DLG2: variants seen among roughly 807,000 people sequenced by gnomAD.
The protein encoded by DLG2 is disks large homolog 2.
Under a neutral mutation model 132.5 loss-of-function variants are expected in DLG2, and 45 were observed. The observed-to-expected ratio is 0.34, with a 90% CI of 0.27 to 0.44. DLG2 has a LOEUF of 0.44. Ranked by LOEUF, DLG2 falls within the 20% of genes least tolerant of loss-of-function variation. The probability of loss-of-function intolerance (pLI) is 1.00; values close to 1 mark genes in which losing one functional copy is unlikely to be tolerated. For missense variants in DLG2, 1,045 were observed against 1,196.9 expected (o/e 0.87, Z 1.87); for synonymous variants, 424 against 419.6 (o/e 1.01, Z -0.13).
rs144299539 is a variant in DLG2, at chr11:85,420,287, C to T, written c.41-134922G>A. ...GTATGCAGAACAGCAAAGACTGCTG[C>T]CTGTTCCTTCCTCTGGAAGCTTCGT... On this transcript the variant is annotated intron_variant, in intron 3 of 27. Coordinates refer to ENST00000376104, the MANE Select transcript of DLG2 (RefSeq NM_001142699.3). 6.7e-3 allele frequency among the ~76,000 whole-genome samples: 1,013 copies of T among 152,250 alleles called. 5 individuals are homozygous for T. The highest frequency in any genetic ancestry group is 0.01 in the Non-Finnish European group (698 of 68,012).
At chr11:84,476,011 G>T (rs1162263205) in intron 7 of DLG2, among the ~76,000 whole-genome samples, 1 of 152,066 alleles carries the variant, frequency 6.6e-6, no homozygotes, top group Admixed American at 6.6e-5. Context: ...TGTAACAACT[G>T]CTGATTACAT....
intron 6 of DLG2, among the ~76,000 whole-genome samples, chr11:84,660,335 G>A (rs1348048396): frequency 6.6e-6 from 1 of 152,080 alleles, no homozygotes; most frequent in Non-Finnish European, 1.5e-5. Context: ...TTAACTCCCA[G>A]GATCCTGGAT....
At chr11:85,514,937 A>G (rs1201403981) in intron 3 of DLG2, among the ~76,000 whole-genome samples, 1 of 151,964 alleles carries the variant, frequency 6.6e-6, no homozygotes, top group Non-Finnish European at 1.5e-5. Flanking sequence ...TTCGTTGTAC[A>G]TCTATCATCT....
At chr11:85,500,458 G>T (rs1338995809) in intron 3 of DLG2, among the ~76,000 whole-genome samples, 1 of 147,084 alleles carries the variant, frequency 6.8e-6, no homozygotes, top group African/African-American at 2.7e-5. Context: ...ACATTAGTGG[G>T]TGCAGCGCAC....
intron 7 of DLG2, among the ~76,000 whole-genome samples, chr11:84,273,913 G>A (rs1189296521): frequency 1.3e-5 from 2 of 152,080 alleles, no homozygotes; most frequent in Admixed American, 6.6e-5. Flanking sequence ...CAAGCCAGAA[G>A]GCATCATAAA....
chr11:84,984,788 A>T (rs1445445749), intron 6 of DLG2, among the ~76,000 whole-genome samples: 2 of 152,196 alleles, frequency 1.3e-5, no homozygotes, highest in Admixed American at 6.5e-5. Context: ...AAGGGATGGA[A>T]AAAGACATTC....
intron 14 of DLG2, among the ~76,000 whole-genome samples, chr11:83,958,243 G>C (rs2154153419): frequency 6.6e-6 from 1 of 152,306 alleles, no homozygotes; most frequent in South Asian, 2.1e-4. Flanking sequence ...GGAGACAATA[G>C]AGTAGATGTG....
At chr11:85,603,508 G>A (rs1329715699) in intron 2 of DLG2, among the ~76,000 whole-genome samples, 4 of 151,320 alleles carry the variant, frequency 2.6e-5, no homozygotes, top group African/African-American at 9.7e-5. Context: ...CAAGTGCTGA[G>A]CACCTTTTTC....
In DLG2 at chr11:84,248,616, GA is replaced by G. The variant is rs1392062204; in HGVS notation, c.573+2621del. ...TACACTCGTAATCCCAGCACTTTGG[GA>G]GGCCGAGGTGGGCAGATCACTGAGA... On this transcript the variant is annotated intron_variant, in intron 8 of 27. Transcript: ENST00000376104. Among the ~76,000 whole-genome samples, 11 of 152,270 alleles carry G rather than the reference GA, an allele frequency of 7.2e-5. No homozygotes were observed. The East Asian group carries it at 2.1e-3, about 29-fold the overall frequency.
chr11:84,416,643 A>ATCTT (rs1405383375), intron 7 of DLG2, among the ~76,000 whole-genome samples: 3 of 152,210 alleles, frequency 2.0e-5, no homozygotes, highest in African/African-American at 7.2e-5. Context: ...TAACTGTGTG[A>ATCTT]TCTTAGCAAA....
chr11:84,298,853 G>A (rs1406382781), intron 7 of DLG2, among the ~76,000 whole-genome samples: 4 of 152,214 alleles, frequency 2.6e-5, no homozygotes, highest in African/African-American at 9.6e-5. Flanking sequence ...ACAGTGAATA[G>A]TTGGGTGTGA....
intron 3 of DLG2, among the ~76,000 whole-genome samples, chr11:85,516,419 T>A (rs943569935): frequency 6.6e-6 from 1 of 151,806 alleles, no homozygotes; most frequent in Non-Finnish European, 1.5e-5. Context: ...AAACTGCAAC[T>A]AGCAGAAGGA....
intron 11 of DLG2, among the ~76,000 whole-genome samples, chr11:84,002,949 T>C (rs1053886119): frequency 1.3e-5 from 2 of 152,192 alleles, no homozygotes; most frequent in African/African-American, 4.8e-5. Context: ...TTCTGAACTA[T>C]CTCTTTGTGA....
intron 16 of DLG2, among the ~76,000 whole-genome samples, chr11:83,838,689 G>A (rs1163793306): frequency 6.6e-6 from 1 of 152,036 alleles, no homozygotes; most frequent in Non-Finnish European, 1.5e-5. Flanking sequence ...CAGTTTTGCT[G>A]TGAGGCAACA....
chr11:85,477,166 C>T (rs1334056204), intron 3 of DLG2, among the ~76,000 whole-genome samples: 2 of 152,056 alleles, frequency 1.3e-5, no homozygotes, highest in Non-Finnish European at 2.9e-5. Context: ...TTATGGAGCA[C>T]ACAACTGTAC....
chr11:85,448,486 C>T (rs1338949417), intron 3 of DLG2, among the ~76,000 whole-genome samples: 1 of 152,120 alleles, frequency 6.6e-6, no homozygotes, highest in Non-Finnish European at 1.5e-5. Context: ...TAAAAGGAAA[C>T]ACTATTTCAC....
intron 9 of DLG2, among the ~76,000 whole-genome samples, chr11:84,148,973 T>C (rs2095193550): frequency 6.6e-6 from 1 of 152,224 alleles, no homozygotes; most frequent in African/African-American, 2.4e-5. Context: ...TGATTAGTGA[T>C]GATGAGAAAT....
At chr11:84,010,637 G>A (rs1271924731) in intron 11 of DLG2, among the ~76,000 whole-genome samples, 2 of 151,978 alleles carry the variant, frequency 1.3e-5, no homozygotes, top group Non-Finnish European at 2.9e-5. Context: ...AAGTTGATAT[G>A]CTAGGAAAAG....
intron 6 of DLG2, among the ~76,000 whole-genome samples, chr11:85,003,362 A>T (rs898905942): frequency 2.0e-5 from 3 of 152,176 alleles, no homozygotes; most frequent in Non-Finnish European, 4.4e-5. Context: ...ACCACATGGA[A>T]ATTGCAAGAA....
Sources: gnomAD v4.1 joint callset for allele counts (sites outside exome capture counted in the v4.1 genomes callset) on GRCh38, gnomAD v4.1.1 for gene constraint, MANE v1.5 for transcripts, NCBI Gene and HGNC (gene_info 2026-07-23, HGNC 2026-07-21) for gene names.